BMP5: variants seen among roughly 807,000 people sequenced by gnomAD.
BMP5 encodes bone morphogenetic protein 5.
In BMP5, 23 loss-of-function variants were observed where a neutral mutation model predicts 46.6. The ratio of observed to expected loss-of-function variants is 0.49; its 90% CI spans 0.35 to 0.70. The LOEUF (loss-of-function observed/expected upper bound fraction) is 0.70. BMP5 is among the 30% of genes least tolerant of loss of function. The pLI is 0.00. For synonymous variants in BMP5, 204 were observed against 191.9 expected, an observed-to-expected ratio of 1.06 and a Z score of -0.52; for missense variants, 545 against 565.6, an observed-to-expected ratio of 0.96 and a Z score of 0.37.
chr6:55,836,514 T>C (rs1776795853), intron 1 of BMP5, among the ~76,000 whole-genome samples: 1 of 152,062 alleles, frequency 6.6e-6, no homozygotes, highest in Non-Finnish European at 1.5e-5. Flanking sequence ...AAATCAGTAG[T>C]CAGAATGAGA....
intron 6 of BMP5, among the ~76,000 whole-genome samples, chr6:55,757,579 G>A (rs1774640545): frequency 6.6e-6 from 1 of 151,808 alleles, no homozygotes; most frequent in Non-Finnish European, 1.5e-5. Context: ...CATACTCCTG[G>A]AAACACTATT....
intron 1 of BMP5, among the ~76,000 whole-genome samples, chr6:55,854,448 AT>A (rs1166577648): frequency 1.3e-5 from 2 of 151,820 alleles, no homozygotes; most frequent in Admixed American, 6.6e-5. Context: ...TTTATACTGT[AT>A]TTTTTTCTTA....
At chr6:55,797,335 G>A (rs1208776304) in intron 2 of BMP5, among the ~76,000 whole-genome samples, 3 of 152,102 alleles carry the variant, frequency 2.0e-5, no homozygotes, top group African/African-American at 7.2e-5. Context: ...AAGTTGTCCT[G>A]CCTCACCAGT....
chr6:55,854,201 G>A (rs1777329715), intron 1 of BMP5, among the ~76,000 whole-genome samples: 1 of 151,966 alleles, frequency 6.6e-6, no homozygotes, highest in Admixed American at 6.6e-5. Context: ...TCAAAAATAA[G>A]ATTTATATAA....
chr6:55,826,347 G>A (rs923827377), intron 1 of BMP5, among the ~76,000 whole-genome samples: 4 of 151,552 alleles, frequency 2.6e-5, no homozygotes, highest in Non-Finnish European at 5.9e-5. Context: ...TTATAAAGAA[G>A]CAAAATCTCA....
intron 2 of BMP5, among the ~76,000 whole-genome samples, chr6:55,798,903 G>A (rs1003560463): frequency 6.6e-6 from 1 of 152,050 alleles, no homozygotes; most frequent in African/African-American, 2.4e-5. Flanking sequence ...ATACCAGAAG[G>A]ACACTACACT....
rs556074715 is a variant in BMP5, at chr6:55,812,928, A to G, written c.683+6727T>C. On this transcript the variant is annotated intron_variant, in intron 2 of 6. Transcript: ENST00000370830. ...ATACTTGTCTCAGAGAATTAAAGTC[A>G]AAGTTCCAAAGTTGTGGTAACTATT... Among the ~76,000 whole-genome samples the G allele has an allele frequency of 2.0e-5, 3 of 152,370 alleles. No homozygotes were observed. In the East Asian group the frequency reaches 5.8e-4, roughly 29 times the overall value.
intron 1 of BMP5, among the ~76,000 whole-genome samples, chr6:55,867,382 G>C (rs1256683373): frequency 2.0e-5 from 3 of 152,056 alleles, no homozygotes; most frequent in African/African-American, 7.2e-5. Context: ...ATGATCCCTT[G>C]TTTTGCTGCA....
At chr6:55,806,506 G>T (rs6905814) in intron 2 of BMP5, among the ~76,000 whole-genome samples, 3 of 152,008 alleles carry the variant, frequency 2.0e-5, no homozygotes, top group African/African-American at 7.3e-5. Flanking sequence ...GTAGCATGAT[G>T]CCTCCAGCTT....
At chr6:55,832,068 C>A (rs1391646382) in intron 1 of BMP5, among the ~76,000 whole-genome samples, 1 of 152,120 alleles carries the variant, frequency 6.6e-6, no homozygotes, top group African/African-American at 2.4e-5. Context: ...TCACAAATAT[C>A]CCATTTACCA....
intron 3 of BMP5, among the ~76,000 whole-genome samples, chr6:55,788,041 C>G (rs1044906169): frequency 6.6e-6 from 1 of 151,530 alleles, no homozygotes; most frequent in African/African-American, 2.4e-5. Flanking sequence ...GTTCTATGAA[C>G]ATTAAAATCC....
chr6:55,802,855 T>A (rs1775882964), intron 2 of BMP5, among the ~76,000 whole-genome samples: 1 of 151,058 alleles, frequency 6.6e-6, no homozygotes, highest in Admixed American at 6.6e-5. Context: ...ATAAGCAGTG[T>A]TGATAGTAGC....
intron 1 of BMP5, among the ~76,000 whole-genome samples, chr6:55,850,241 G>A (rs1344055904): frequency 6.6e-6 from 1 of 152,000 alleles, no homozygotes; most frequent in Non-Finnish European, 1.5e-5. Context: ...GATTATATGA[G>A]CTAATACATA....
rs369355577 is a variant in BMP5, at chr6:55,834,953, G to T, written c.491-15106C>A. 5.9e-5 allele frequency among the ~76,000 whole-genome samples: 9 copies of T among 152,214 alleles called. No individual in the cohort carries two copies. In the South Asian group the frequency reaches 8.3e-4, roughly 14 times the overall value. On this transcript the variant is annotated intron_variant, in intron 1 of 6. Coordinates refer to ENST00000370830, the MANE Select transcript of BMP5 (RefSeq NM_021073.4). ...AACAAAAAAATAGCTGGGCATGGTGGCAGGTGCCTATAATCCCAGCTAGTC... is the reference window on the plus strand; with the variant it reads ...AACAAAAAAATAGCTGGGCATGGTGTCAGGTGCCTATAATCCCAGCTAGTC...
chr6:55,856,086 C>A (rs556627084), intron 1 of BMP5, among the ~76,000 whole-genome samples: 1 of 152,212 alleles, frequency 6.6e-6, no homozygotes, highest in East Asian at 1.9e-4. Context: ...CTAATCTGTT[C>A]CTATATCTAC....
intron 2 of BMP5, among the ~76,000 whole-genome samples, chr6:55,799,707 C>G (rs567933287): frequency 1.3e-5 from 2 of 152,318 alleles, no homozygotes; most frequent in Non-Finnish European, 2.9e-5. Context: ...AATTGTCCTA[C>G]AGCTCCCTTC....
intron 3 of BMP5, among the ~76,000 whole-genome samples, chr6:55,780,693 C>A (rs145419001): frequency 6.6e-6 from 1 of 151,828 alleles, no homozygotes; most frequent in Non-Finnish European, 1.5e-5. Context: ...AGAAAAGAAA[C>A]GGGATATTTG....
At chr6:55,796,622 G>A (rs112733130) in intron 2 of BMP5, among the ~76,000 whole-genome samples, 87 of 151,578 alleles carry the variant, frequency 5.7e-4, no homozygotes, top group African/African-American at 2.1e-3. Flanking sequence ...CTAGCATTAG[G>A]TATATCTCCC....
rs137932096 is a variant in BMP5 at position 55,874,413 on chromosome 6, C to T, written c.453G>A (p.Leu151=). The change falls in exon 1 of 7, where the codon CTG becomes CTA. Residue 151 remains leucine, a synonymous_variant. Transcript: ENST00000370830. ...PLASLHDTNF[L]NDADMVMSFV... The stretch of plus-strand genomic sequence containing the variant: ...AGCTCATGACCATGTCAGCATCATT[C>T]AGAAAGTTGGTATCATGGAGGCTGG... 144 of 1,612,982 alleles carry T rather than the reference C, an allele frequency of 8.9e-5. No homozygotes were observed. The highest frequency in any genetic ancestry group is 1.2e-4 in the Non-Finnish European group (141 of 1,179,484).
Sources: gnomAD v4.1 joint callset for allele counts (sites outside exome capture counted in the v4.1 genomes callset) on GRCh38, gnomAD v4.1.1 for gene constraint, MANE v1.5 for transcripts, NCBI Gene and HGNC (gene_info 2026-07-23, HGNC 2026-07-21) for gene names.